The following RTN1 variants were observed in gnomAD, a reference collection of about 807,000 sequenced individuals.
RTN1 encodes the protein reticulon 1, also known as reticulon-1.
A neutral mutation model predicts 65.5 loss-of-function variants in RTN1; 25 were observed. The observed-to-expected ratio is 0.38, with a 90% confidence interval of 0.28 to 0.53. The LOEUF (loss-of-function observed/expected upper bound fraction) is 0.53. RTN1 is among the 20% of genes least tolerant of loss of function. The pLI is 0.79. For missense variants in RTN1, 983 were observed against 1,025.4 expected (o/e 0.96, Z 0.57); for synonymous variants, 471 against 447.6 (o/e 1.05, Z -0.66).
At chr14:59,805,679 T>G (rs1283419080) in intron 1 of RTN1, among the ~76,000 whole-genome samples, 1 of 152,230 alleles carries the variant, frequency 6.6e-6, no homozygotes, top group East Asian at 1.9e-4. Flanking sequence ...TCAAAAAAGT[T>G]TCTTTCATGA....
At chr14:59,814,466 C>T (rs1251347351) in intron 1 of RTN1, among the ~76,000 whole-genome samples, 1 of 152,162 alleles carries the variant, frequency 6.6e-6, no homozygotes, top group Non-Finnish European at 1.5e-5. Context: ...CATCCGAAAG[C>T]ACAGGCTCTG....
Position 59,747,910 on chromosome 14 carries a change from A to G in RTN1, c.242-1429T>C, listed in dbSNP as rs547984932. Among the ~76,000 whole-genome samples the G allele has an allele frequency of 6.6e-5, 10 of 152,312 alleles. No homozygotes were observed. In the East Asian group the frequency reaches 1.9e-3, roughly 29 times the overall value. ...AGACTAGAGCAATAACTCATATAAA[A>G]GTCATCAAAACAGTGGCAGTAACAG... is the stretch of plus-strand genomic sequence containing the variant. On this transcript the variant is annotated intron_variant, in intron 1 of 8. Coordinates refer to ENST00000267484, the MANE Select transcript of RTN1 (RefSeq NM_021136.3).
intron 3 of RTN1, among the ~76,000 whole-genome samples, chr14:59,677,802 T>C (rs2140219585): frequency 6.6e-6 from 1 of 152,278 alleles, no homozygotes; most frequent in Non-Finnish European, 1.5e-5. Context: ...TCAGGAATCA[T>C]GACCTCATTT....
chr14:59,742,491 T>C (rs888136820), intron 2 of RTN1, among the ~76,000 whole-genome samples: 1 of 152,218 alleles, frequency 6.6e-6, no homozygotes, highest in Non-Finnish European at 1.5e-5. Flanking sequence ...TCAGTGTATA[T>C]TATGTAGTAA....
chr14:59,675,274 G>A (rs956115930), intron 3 of RTN1, among the ~76,000 whole-genome samples: 2 of 152,104 alleles, frequency 1.3e-5, no homozygotes, highest in Non-Finnish European at 2.9e-5. Context: ...GCATATGGGG[G>A]TGAAGGCAGG....
chr14:59,853,262 C>T (rs1887542018), intron 1 of RTN1, among the ~76,000 whole-genome samples: 1 of 152,094 alleles, frequency 6.6e-6, no homozygotes, highest in Admixed American at 6.5e-5. Context: ...CATGATCAAC[C>T]CAACTCTGCT....
chr14:59,750,003 T>C (rs1426290090), intron 1 of RTN1, among the ~76,000 whole-genome samples: 1 of 99,120 alleles, frequency 1.0e-5, no homozygotes, highest in Non-Finnish European at 1.8e-5. Flanking sequence ...ATATATATTA[T>C]ATACATATAT....
intron 1 of RTN1, among the ~76,000 whole-genome samples, chr14:59,758,744 T>A (rs1258999326): frequency 6.6e-6 from 1 of 152,220 alleles, no homozygotes; most frequent in Non-Finnish European, 1.5e-5. Context: ...TTCATATCTT[T>A]GCACAGTCTG....
At chr14:59,688,856 C>T (rs991816282) in intron 3 of RTN1, among the ~76,000 whole-genome samples, 1 of 152,014 alleles carries the variant, frequency 6.6e-6, no homozygotes, top group Non-Finnish European at 1.5e-5. Flanking sequence ...AAATTAGAAA[C>T]GCCAGCATTT....
intron 4 of RTN1, among the ~76,000 whole-genome samples, 197 bp downstream of exon 4, chr14:59,607,088 T>C (rs571462805): frequency 3.5e-4 from 54 of 152,304 alleles, no homozygotes; most frequent in African/African-American, 1.3e-3. Flanking sequence ...GCAATAAGTA[T>C]TGGAATAAGA....
At chr14:59,768,961 G>T (rs941696433) in intron 1 of RTN1, among the ~76,000 whole-genome samples, 1 of 152,152 alleles carries the variant, frequency 6.6e-6, no homozygotes, top group African/African-American at 2.4e-5. Context: ...ATCACCTCAG[G>T]TTGCCCAGGA....
chr14:59,712,504 T>A (rs1035441646), intron 3 of RTN1, among the ~76,000 whole-genome samples: 2 of 152,174 alleles, frequency 1.3e-5, no homozygotes, highest in African/African-American at 4.8e-5. Flanking sequence ...ATTAGTGAGA[T>A]CAATTCAACT....
intron 1 of RTN1, among the ~76,000 whole-genome samples, chr14:59,751,440 C>G (rs1348459773): frequency 6.6e-6 from 1 of 152,044 alleles, no homozygotes; most frequent in Non-Finnish European, 1.5e-5. Flanking sequence ...GCAGGGAAAT[C>G]AACCCGAGAT....
Position 59,630,321 on chromosome 14 carries a change from C to T in RTN1, c.1766-22829G>A. 6 of 1,198,844 alleles carry T rather than the reference C, an allele frequency of 5.0e-6. No individual in the cohort carries two copies. In the South Asian group the frequency reaches 7.0e-5, roughly 14 times the overall value. The allele number at this position is 1,198,844 out of a possible 1,614,324, so 74.3% of individuals were successfully genotyped here. A position where few individuals can be genotyped will look rare whatever the true frequency, so the allele number is the denominator to read the frequency against. ...TTGAAATAAGAGGTTTACTACCCCCCAACACAAAGCTCTGGGGTATAAAGC... is the reference window on the plus strand; with the variant it reads ...TTGAAATAAGAGGTTTACTACCCCCTAACACAAAGCTCTGGGGTATAAAGC... On this transcript the variant is annotated intron_variant, in intron 3 of 8. Transcript: ENST00000267484.
At chr14:59,848,700 T>A (rs373097916) in intron 1 of RTN1, among the ~76,000 whole-genome samples, 12 of 152,190 alleles carry the variant, frequency 7.9e-5, no homozygotes, top group Non-Finnish European at 1.3e-4. Flanking sequence ...GTATTAAGAC[T>A]ATTTTATGTA....
intron 3 of RTN1, among the ~76,000 whole-genome samples, chr14:59,625,185 T>A (rs961936118): frequency 3.3e-5 from 5 of 152,216 alleles, no homozygotes; most frequent in Admixed American, 6.5e-5. Flanking sequence ...TATTGATATA[T>A]AGTAATCATA....
Position 59,790,021 on chromosome 14 carries a change from A to G in RTN1, c.242-43540T>C, listed in dbSNP as rs1886320008. The stretch of plus-strand genomic sequence containing the variant: ...GGCTATCGAATGAGATAAAAAAGGG[A>G]AATGCCCGAGCTAAAGCAATGAATC... On this transcript the variant is annotated intron_variant, in intron 1 of 8. Transcript: ENST00000267484. This position sits in a 1 kb window ranked among gnomAD's most constrained non-coding sequence, Gnocchi z 4.1. Among the ~76,000 whole-genome samples, 4 of 152,130 alleles carry G rather than the reference A, an allele frequency of 2.6e-5. No homozygotes were observed. Among genetic ancestry groups the G allele is most frequent in the Admixed American group, 1.3e-4 (2 of 15,262 alleles).
intron 1 of RTN1, among the ~76,000 whole-genome samples, chr14:59,869,934 C>T (rs1887864885): frequency 6.6e-6 from 1 of 152,026 alleles, no homozygotes. Flanking sequence ...GAGCCGGGTC[C>T]AGGGGCCGCG....
intron 1 of RTN1, among the ~76,000 whole-genome samples, chr14:59,804,533 A>G (rs1336956053): frequency 2.0e-5 from 3 of 152,172 alleles, no homozygotes; most frequent in Non-Finnish European, 4.4e-5. Flanking sequence ...CTCATAATTT[A>G]TTTTAAATAG....
Sources: gnomAD v4.1 joint callset for allele counts (sites outside exome capture counted in the v4.1 genomes callset) on GRCh38, gnomAD v4.1.1 for gene constraint, Gnocchi (gnomAD v3.1) non-coding constraint, MANE v1.5 for transcripts, NCBI Gene and HGNC (gene_info 2026-07-23, HGNC 2026-07-21) for gene names.